TAFA2: variants seen among roughly 807,000 people sequenced by gnomAD.
TAFA2 encodes chemokine-like protein TAFA-2.
In TAFA2, 7 loss-of-function variants were observed where a neutral mutation model predicts 18.8. The ratio of observed to expected loss-of-function variants is 0.37; its 90% CI spans 0.21 to 0.70. TAFA2 has a LOEUF of 0.70. Among genes scored for constraint, TAFA2 ranks in the 30% least tolerant of loss-of-function variants. The probability of loss-of-function intolerance (pLI) is 0.53; values close to 1 mark genes in which losing one functional copy is unlikely to be tolerated. For synonymous variants in TAFA2, 60 were observed against 54.2 expected, an observed-to-expected ratio of 1.11 and a Z score of -0.47; for missense variants, 122 against 158.1, an observed-to-expected ratio of 0.77 and a Z score of 1.23.
rs1384729176 is a variant in TAFA2 at position 61,955,615 on chromosome 12, AAAAAAAAAAAAAAAAAAATATATATAT to A, written c.-1-88216_-1-88190del. ...GACTCCATCTCAAAAAAAAAAAAAA[AAAAAAAAAAAAAAAAAAATATATATAT>A]ATATATATATATATATATATATATA... is the stretch of plus-strand genomic sequence containing the variant. On this transcript the variant is annotated intron_variant, in intron 1 of 4. Transcript: ENST00000416284. Among the ~76,000 whole-genome samples, 39 of 30,138 alleles carry A rather than the reference AAAAAAAAAAAAAAAAAAATATATATAT, an allele frequency of 1.3e-3. 2 individuals are homozygous for A. Among genetic ancestry groups the A allele is most frequent in the African/African-American group, 2.7e-3 (34 of 12,390 alleles). 19.8% of individuals were successfully genotyped at this position (30,138 alleles called of 152,430 possible). A position where few individuals can be genotyped will look rare whatever the true frequency, so the allele number is the denominator to read the frequency against.
intron 2 of TAFA2, among the ~76,000 whole-genome samples, chr12:61,861,256 C>CG (rs1369044918): frequency 3.4e-5 from 4 of 117,160 alleles, no homozygotes; most frequent in Non-Finnish European, 7.0e-5. Context: ...CTGGCCTCGC[C>CG]TTTTTTTTTT....
chr12:61,994,692 C>T (rs994130023), intron 1 of TAFA2, among the ~76,000 whole-genome samples: 3 of 152,116 alleles, frequency 2.0e-5, no homozygotes, highest in African/African-American at 7.2e-5. Flanking sequence ...CTCCCTTCCT[C>T]ATTTTTTTAT....
At chr12:61,829,318 C>A (rs1009186184) in intron 2 of TAFA2, among the ~76,000 whole-genome samples, 1 of 151,610 alleles carries the variant, frequency 6.6e-6, no homozygotes, top group African/African-American at 2.4e-5. Context: ...CCGTATCAGG[C>A]ATTATTGAAC....
chr12:61,846,420 G>A (rs1210001165), intron 2 of TAFA2, among the ~76,000 whole-genome samples: 1 of 152,082 alleles, frequency 6.6e-6, no homozygotes, highest in Non-Finnish European at 1.5e-5. Context: ...TAAGATGAGT[G>A]ATAATCATTC....
intron 1 of TAFA2, among the ~76,000 whole-genome samples, chr12:62,131,959 A>G (rs1870703819): frequency 6.6e-6 from 1 of 151,910 alleles, no homozygotes; most frequent in Admixed American, 6.6e-5. Flanking sequence ...CAGCTTTTGT[A>G]TTTGAAAACC....
intron 2 of TAFA2, among the ~76,000 whole-genome samples, chr12:61,777,091 TG>T (rs1165009177): frequency 1.3e-5 from 2 of 151,878 alleles, no homozygotes; most frequent in African/African-American, 4.8e-5. Context: ...CTCCTGAAAG[TG>T]AACATGCAGA....
intron 1 of TAFA2, among the ~76,000 whole-genome samples, chr12:62,054,130 GC>G (rs1882125931): frequency 6.6e-6 from 1 of 152,176 alleles, no homozygotes; most frequent in African/African-American, 2.4e-5. Context: ...GGATGCTGTT[GC>G]AGGCAGGATA....
intron 2 of TAFA2, among the ~76,000 whole-genome samples, chr12:61,783,087 A>G (rs1870573435): frequency 6.6e-6 from 1 of 151,688 alleles, no homozygotes; most frequent in Non-Finnish European, 1.5e-5. Context: ...TTTTACATCA[A>G]AGGGTCAATA....
intron 1 of TAFA2, among the ~76,000 whole-genome samples, chr12:61,956,508 A>G (rs1356825584): frequency 6.6e-6 from 1 of 152,038 alleles, no homozygotes; most frequent in Non-Finnish European, 1.5e-5. Context: ...ACATAATAAT[A>G]TCTGAAAATG....
chr12:61,765,958 G>C (rs1041163611), intron 2 of TAFA2, among the ~76,000 whole-genome samples: 1 of 151,996 alleles, frequency 6.6e-6, no homozygotes, highest in African/African-American at 2.4e-5. Flanking sequence ...TTCACTGTCA[G>C]TTCCATTAAC....
At chr12:61,801,504 A>G (rs928925707) in intron 2 of TAFA2, among the ~76,000 whole-genome samples, 1 of 152,088 alleles carries the variant, frequency 6.6e-6, no homozygotes, top group Non-Finnish European at 1.5e-5. Context: ...AACATAAATG[A>G]AGAAAGAACA....
At chr12:62,203,465 G>A (rs2062680006) in intron 1 of TAFA2, among the ~76,000 whole-genome samples, 1 of 152,118 alleles carries the variant, frequency 6.6e-6, no homozygotes. Context: ...TTATTGTGTG[G>A]GCATCTAAGT....
chr12:62,206,330 G>A, intron 1 of TAFA2, among the ~76,000 whole-genome samples: 1 of 152,194 alleles, frequency 6.6e-6, no homozygotes, highest in Non-Finnish European at 1.5e-5. Flanking sequence ...CCCATGATCA[G>A]TGTAATTAAT....
chr12:61,947,200 C>G (rs1454568638), intron 1 of TAFA2, among the ~76,000 whole-genome samples: 1 of 146,930 alleles, frequency 6.8e-6, no homozygotes, highest in Non-Finnish European at 1.5e-5. Flanking sequence ...AGTAAACTAT[C>G]GCAAGGACAA....
chr12:62,018,976 A>G (rs1453296159), intron 1 of TAFA2, among the ~76,000 whole-genome samples: 1 of 152,218 alleles, frequency 6.6e-6, no homozygotes, highest in Non-Finnish European at 1.5e-5. Flanking sequence ...ACAAATTTAT[A>G]AGAAAAAAAC....
intron 2 of TAFA2, among the ~76,000 whole-genome samples, chr12:61,809,492 T>A (rs1429440190): frequency 6.6e-6 from 1 of 151,382 alleles, no homozygotes; most frequent in Non-Finnish European, 1.5e-5. Flanking sequence ...TCAGAAGTAG[T>A]TGACCAAGTC....
chr12:61,929,724 T>C (rs1212402961), intron 1 of TAFA2, among the ~76,000 whole-genome samples: 3 of 152,004 alleles, frequency 2.0e-5, no homozygotes, highest in Non-Finnish European at 4.4e-5. Flanking sequence ...ATTGCGGCAC[T>C]ATTCACAATA....
intron 2 of TAFA2, among the ~76,000 whole-genome samples, chr12:61,800,666 G>T (rs1871366054): frequency 6.6e-6 from 1 of 152,122 alleles, no homozygotes; most frequent in Non-Finnish European, 1.5e-5. Context: ...AAGAAGGAAT[G>T]TTTAGATAGA....
At chr12:62,258,344 A>G (rs1592423866) in intron 1 of TAFA2, 1 of 152,194 alleles carries the variant, frequency 6.6e-6, no homozygotes, top group African/African-American at 2.4e-5. Flanking sequence ...TGCTGCCTTG[A>G]GCATGGTGCA....
Sources: gnomAD v4.1 joint callset for allele counts (sites outside exome capture counted in the v4.1 genomes callset) on GRCh38, gnomAD v4.1.1 for gene constraint, MANE v1.5 for transcripts, NCBI Gene and HGNC (gene_info 2026-07-23, HGNC 2026-07-21) for gene names.